Variants in GRIA3 observed in about 807,000 individuals in gnomAD.
GRIA3 encodes glutamate receptor 3.
In GRIA3, 3 loss-of-function variants were observed where a neutral mutation model predicts 63.0. The observed-to-expected ratio is 0.05, with a 90% confidence interval of 0.02 to 0.12. The LOEUF (loss-of-function observed/expected upper bound fraction) is 0.12. GRIA3 is among the 10% of genes least tolerant of loss of function. The probability of loss-of-function intolerance (pLI) is 1.00; values close to 1 mark genes in which losing one functional copy is unlikely to be tolerated. For synonymous variants in GRIA3, 274 were observed against 257.9 expected (o/e 1.06, Z -0.60); for missense variants, 347 against 700.9 (o/e 0.50, Z 5.70).
At chrX:123,439,606 G>A (rs1304432355) in intron 12 of GRIA3, among the ~76,000 whole-genome samples, 8 of 108,567 alleles carry the variant, frequency 7.4e-5, no homozygotes, top group Non-Finnish European at 1.1e-4. Context: ...ATTAAGGTAT[G>A]TTACAAATAA....
chrX:123,254,158 TTTTTG>T (rs1334864062), intron 3 of GRIA3, among the ~76,000 whole-genome samples: 1 of 111,634 alleles, frequency 9.0e-6, no homozygotes, highest in African/African-American at 3.3e-5. Flanking sequence ...TTTGTTTTTG[TTTTTG>T]TTTTGTTTTG....
intron 14 of GRIA3, among the ~76,000 whole-genome samples, chrX:123,481,204 G>T (rs934339415): frequency 1.8e-5 from 2 of 111,846 alleles, no homozygotes; most frequent in Non-Finnish European, 3.8e-5. Flanking sequence ...GCAGAGGAAG[G>T]GTTACCAGAA....
intron 2 of GRIA3, among the ~76,000 whole-genome samples, chrX:123,216,384 A>AC (rs768163514): frequency 5.6e-4 from 63 of 112,398 alleles, no homozygotes; most frequent in African/African-American, 1.9e-3. Context: ...AGCGATGCTT[A>AC]CATAGAACCT....
Position 123,215,278 on chromosome X carries a change from G to A in GRIA3, c.268+29288G>A, listed in dbSNP as rs1569400640. On this transcript the variant is annotated intron_variant, in intron 2 of 15. Transcript: ENST00000620443. ...GATATGCTCTCCCACTTGCTAAGCTGTAGGACTTTAGCAAAACCACTTTAC... is the reference window on the plus strand; with the variant it reads ...GATATGCTCTCCCACTTGCTAAGCTATAGGACTTTAGCAAAACCACTTTAC... Among the ~76,000 whole-genome samples, 3 of 111,838 alleles carry A rather than the reference G, an allele frequency of 2.7e-5. No homozygotes were observed. In the South Asian group the frequency reaches 1.1e-3, roughly 42 times the overall value.
chrX:123,477,894 G>A (rs1839788527), intron 13 of GRIA3, among the ~76,000 whole-genome samples: 1 of 111,620 alleles, frequency 9.0e-6, no homozygotes, highest in Admixed American at 9.6e-5. Flanking sequence ...AGGGAGGACA[G>A]GACCGGGTAA....
At chrX:123,301,633 G>A (rs2044723834) in intron 3 of GRIA3, among the ~76,000 whole-genome samples, 2 of 111,935 alleles carry the variant, frequency 1.8e-5, no homozygotes, top group South Asian at 7.4e-4. Flanking sequence ...GATGCACAGA[G>A]AAGTTGAATA....
At chrX:123,353,803 A>C (rs1307310765) in intron 4 of GRIA3, among the ~76,000 whole-genome samples, 1 of 111,653 alleles carries the variant, frequency 9.0e-6, no homozygotes, top group Non-Finnish European at 1.9e-5. Flanking sequence ...TTGTGTCTTT[A>C]ACCTCTATGT....
chrX:123,189,701 C>T (rs752425868), intron 2 of GRIA3, among the ~76,000 whole-genome samples: 1 of 112,723 alleles, frequency 8.9e-6, no homozygotes, highest in East Asian at 2.8e-4. Flanking sequence ...CGGAATTGTA[C>T]TCTAAACGCA....
intron 10 of GRIA3, among the ~76,000 whole-genome samples, chrX:123,409,697 AG>A (rs1280712107): frequency 8.9e-6 from 1 of 111,989 alleles, no homozygotes. Context: ...TTTTGCTAGC[AG>A]GGCTCTTAAA....
chrX:123,294,847 C>T (rs1321121362), intron 3 of GRIA3, among the ~76,000 whole-genome samples: 2 of 111,734 alleles, frequency 1.8e-5, no homozygotes, highest in African/African-American at 6.5e-5. Flanking sequence ...ATGAGCATTC[C>T]TTCTTCCACA....
intron 12 of GRIA3, among the ~76,000 whole-genome samples, chrX:123,432,730 G>T (rs1441058018): frequency 8.9e-6 from 1 of 112,259 alleles, no homozygotes; most frequent in African/African-American, 3.2e-5. Context: ...GTTTACAAAA[G>T]TTACATATAA....
intron 5 of GRIA3, among the ~76,000 whole-genome samples, chrX:123,389,597 T>G (rs1310526081): frequency 8.9e-6 from 1 of 111,739 alleles, no homozygotes; most frequent in Non-Finnish European, 1.9e-5. Flanking sequence ...ACCCTATATG[T>G]ACATTTACAT....
At chrX:123,412,600 A>G (rs1250829659) in intron 10 of GRIA3, among the ~76,000 whole-genome samples, 3 of 111,508 alleles carry the variant, frequency 2.7e-5, no homozygotes, top group Non-Finnish European at 5.6e-5. Context: ...TTGGTTTCTT[A>G]CCAAACATAC....
intron 2 of GRIA3, among the ~76,000 whole-genome samples, chrX:123,205,262 T>C (rs1024741773): frequency 3.6e-5 from 4 of 112,097 alleles, no homozygotes; most frequent in Non-Finnish European, 7.5e-5. Context: ...TCCATTCAAC[T>C]AGCATTATAA....
Position 123,423,821 on chromosome X carries a change from G to T in GRIA3, c.1878-4120G>T. On this transcript the variant is annotated intron_variant, in intron 11 of 15. Coordinates refer to ENST00000620443, the MANE Select transcript of GRIA3 (RefSeq NM_007325.5). ...TACAAGATGAAGGTTATAGCACATA[G>T]CTCACTTTTATTATCATTTCAAAGG... 1.8e-5 allele frequency among the ~76,000 whole-genome samples: 2 copies of T among 111,751 alleles called. 1 individual carries two copies. The highest frequency in any genetic ancestry group is 5.6e-4 in the East Asian group (2 of 3,591).
chrX:123,313,430 T>C (rs1203722618), intron 3 of GRIA3, among the ~76,000 whole-genome samples: 1 of 111,101 alleles, frequency 9.0e-6, no homozygotes. Flanking sequence ...AGCCCTCCAA[T>C]GGTATTAGGA....
At chrX:123,293,991 A>G (rs1413200951) in intron 3 of GRIA3, among the ~76,000 whole-genome samples, 1 of 109,993 alleles carries the variant, frequency 9.1e-6, no homozygotes, top group Non-Finnish European at 1.9e-5. Flanking sequence ...TAAGCCAATA[A>G]TGTCTTTCTT....
At chrX:123,220,458 G>A (rs867440693) in intron 2 of GRIA3, among the ~76,000 whole-genome samples, 4 of 112,036 alleles carry the variant, frequency 3.6e-5, no homozygotes, top group East Asian at 5.7e-4. Flanking sequence ...ATTTGTGGTC[G>A]CCTTGTGATA....
At chrX:123,432,836 T>C (rs1320726710) in intron 12 of GRIA3, among the ~76,000 whole-genome samples, 1 of 111,982 alleles carries the variant, frequency 8.9e-6, no homozygotes, top group African/African-American at 3.2e-5. Flanking sequence ...CTTGCTGACT[T>C]AGCCTATTGC....
Sources: gnomAD v4.1 joint callset for allele counts (sites outside exome capture counted in the v4.1 genomes callset) on GRCh38, gnomAD v4.1.1 for gene constraint, MANE v1.5 for transcripts, NCBI Gene and HGNC (gene_info 2026-07-23, HGNC 2026-07-21) for gene names.